Variants in PFKM observed in about 807,000 individuals in gnomAD.
PFKM encodes the protein phosphofructokinase, muscle.
PFKM carries 58 observed loss-of-function variants against 95.5 expected under a neutral mutation model. The observed-to-expected ratio is 0.61, with a 90% CI of 0.49 to 0.76. The LOEUF is 0.76. Ranked by LOEUF, PFKM falls within the 30% of genes least tolerant of loss-of-function variation. PFKM has a pLI of 0.00. For missense variants in PFKM, 678 were observed against 1,005.4 expected, an observed-to-expected ratio of 0.67 and a Z score of 4.40; for synonymous variants, 336 against 357.2, an observed-to-expected ratio of 0.94 and a Z score of 0.67.
chr12:48,131,792 A>G (rs1311245765), intron 4 of PFKM: 5 of 361,904 alleles, frequency 1.4e-5, no homozygotes, highest in East Asian at 7.3e-5. Flanking sequence ...GTGACCTGAA[A>G]CCAGACCACT....
chr12:48,130,472 C>G (rs1949362397), intron 3 of PFKM, 36 bp downstream of exon 3: 1 of 1,466,174 alleles, frequency 6.8e-7, no homozygotes, highest in Non-Finnish European at 9.6e-7. Context: ...CATTCTTTCT[C>G]TGTCTTCTTC....
At chr12:48,138,265 G>A (rs1011089615) in intron 11 of PFKM, among the ~76,000 whole-genome samples, 28 of 152,146 alleles carry the variant, frequency 1.8e-4, no homozygotes, top group Non-Finnish European at 1.3e-4. Context: ...GAACCAACAC[G>A]AGGTTACTAA....
At chr12:48,122,191 C>G (rs1340373706) in intron 1 of PFKM, among the ~76,000 whole-genome samples, 1 of 152,160 alleles carries the variant, frequency 6.6e-6, no homozygotes, top group Non-Finnish European at 1.5e-5. Context: ...ATTAATTTGC[C>G]TAACTCTGAT....
chr12:48,145,453 G>A lies in PFKM; in HGVS notation c.2199-111G>A. ...TATTCTTACCCATTTCAGATGTGATGCACATGTCCTAAATCTAACCTCTTC... is the reference window on the plus strand; with the variant it reads ...TATTCTTACCCATTTCAGATGTGATACACATGTCCTAAATCTAACCTCTTC... On this transcript the variant is annotated intron_variant, in intron 22 of 22. Coordinates refer to ENST00000359794, the MANE Select transcript of PFKM (RefSeq NM_000289.6). The surrounding 1 kb of genome is among the most constrained non-coding windows in gnomAD (Gnocchi z 4.3). 7.4e-7 allele frequency: 1 copy of A among 1,344,212 alleles called. No individual in the cohort carries two copies. The highest frequency in any genetic ancestry group is 1.1e-6 in the Non-Finnish European group (1 of 944,144). 83.3% of individuals were successfully genotyped at this position (1,344,212 alleles called of 1,614,324 possible). A position where few individuals can be genotyped will look rare whatever the true frequency, so the allele number is the denominator to read the frequency against.
chr12:48,122,611 C>A, intron 1 of PFKM, 156 bp from the exon 2 acceptor site: 2 of 1,482,900 alleles, frequency 1.3e-6, no homozygotes, highest in Non-Finnish European at 1.8e-6. Context: ...TGGCTTTCCT[C>A]TGGAAGAAGT....
chr12:48,134,893 C>A, intron 8 of PFKM, 50 bp from the exon 9 acceptor site: 1 of 1,585,636 alleles, frequency 6.3e-7, no homozygotes, highest in Non-Finnish European at 8.7e-7. Context: ...ATCTCTTTCC[C>A]ACCCATCAGC....
At chr12:48,132,323 A>G (rs188161572) in intron 4 of PFKM, 21 of 291,090 alleles carry the variant, frequency 7.2e-5, no homozygotes, top group African/African-American at 4.2e-4. Context: ...TTTCCTGTGA[A>G]TACCTGGATA....
chr12:48,109,257 T>C (rs372656187), intron 3 of PFKM, among the ~76,000 whole-genome samples: 2 of 152,316 alleles, frequency 1.3e-5, no homozygotes, highest in African/African-American at 4.8e-5. Context: ...GCCATAGAGA[T>C]GTAGGGAAGA....
chr12:48,135,071 A>C (rs1303475891), intron 9 of PFKM, 33 bp downstream of exon 9: 1 of 1,492,194 alleles, frequency 6.7e-7, no homozygotes, highest in East Asian at 2.3e-5. Context: ...AGGCCTTAGA[A>C]TCCATAGCCC....
intron 1 of PFKM, among the ~76,000 whole-genome samples, chr12:48,107,018 G>A (rs770241577): frequency 1.2e-4 from 19 of 152,136 alleles, no homozygotes; most frequent in Non-Finnish European, 2.6e-4. Flanking sequence ...AGCTTGGCAG[G>A]CCTCTGGACC....
At position 48,105,981 on chromosome 12, in the gene PFKM, G is replaced by T. The variant is rs1299052490; in HGVS notation, c.-166G>T. 90 of 700,064 alleles carry T rather than the reference G, an allele frequency of 1.3e-4. No individual in the cohort carries two copies. The East Asian group carries it at 2.4e-3, about 19-fold the overall frequency. The allele number at this position is 700,064 out of a possible 1,614,324, so 43.4% of individuals were successfully genotyped here. ...GGGTCCGACACAGTCTCCTGGACCA[G>T]GCTCCCTCCATCCTCACCCCTCCCC... is the stretch of plus-strand genomic sequence containing the variant. On this transcript the variant is annotated 5_prime_UTR_variant, in exon 1 of 25. Coordinates refer to the PFKM transcript ENST00000340802.
At chr12:48,135,447 C>T in intron 10 of PFKM, 64 bp downstream of exon 10, 1 of 1,155,646 alleles carries the variant, frequency 8.7e-7, no homozygotes, top group Admixed American at 1.7e-5. Context: ...CCTGCCCCCT[C>T]AGGGCTGCAC....
At position 48,131,650 on chromosome 12, in the gene PFKM, GA is replaced by G. The variant is rs1387824079; in HGVS notation, c.237+258del. ...GAAAGGTCATAAACAAGACTATGGGGACTGACACATAAGCAGATCTTACTCT... is the reference window on the plus strand; with the variant it reads ...GAAAGGTCATAAACAAGACTATGGGGCTGACACATAAGCAGATCTTACTCT... On this transcript the variant is annotated intron_variant, in intron 4 of 22. Coordinates refer to ENST00000359794, the MANE Select transcript of PFKM (RefSeq NM_000289.6). The G allele has an allele frequency of 2.9e-5, 15 of 516,160 alleles. No individual in the cohort carries two copies. In the Admixed American group the frequency reaches 4.0e-4, roughly 14 times the overall value. The allele number at this position is 516,160 out of a possible 1,614,324, so 32.0% of individuals were successfully genotyped here.
chr12:48,129,340 C>T (rs970575102), intron 2 of PFKM, among the ~76,000 whole-genome samples: 1 of 145,614 alleles, frequency 6.9e-6, no homozygotes, highest in Non-Finnish European at 1.5e-5. Flanking sequence ...AGATTACAGG[C>T]ATGAGCTACC....
intron 10 of PFKM, among the ~76,000 whole-genome samples, chr12:48,136,828 A>G (rs1409600525): frequency 6.6e-6 from 1 of 150,496 alleles, no homozygotes; most frequent in Non-Finnish European, 1.5e-5. Flanking sequence ...GTCTCAGCTC[A>G]CTGCAACCTC....
intron 1 of PFKM, chr12:48,107,223 A>T (rs1592554504): frequency 1.6e-6 from 1 of 614,498 alleles, no homozygotes; most frequent in East Asian, 2.7e-5. Context: ...GATTATTTGT[A>T]TTGCCTCATG....
At chr12:48,139,256 T>A in intron 11 of PFKM, 29 bp from the exon 12 acceptor site, 1 of 1,591,962 alleles carries the variant, frequency 6.3e-7, no homozygotes, top group East Asian at 2.2e-5. Context: ...GACCCTGGAG[T>A]TGAAACTGTC....
At chr12:48,144,183 C>G (rs767817384) in intron 20 of PFKM, 26 bp downstream of exon 20, 1 of 1,448,682 alleles carries the variant, frequency 6.9e-7, no homozygotes, top group Non-Finnish European at 9.7e-7. Flanking sequence ...TAGTCATGCC[C>G]TTCATCAGAC....
intron 17 of PFKM, chr12:48,142,501 C>T (rs1950661639): frequency 6.2e-6 from 3 of 486,410 alleles, no homozygotes; most frequent in Non-Finnish European, 7.4e-6. Context: ...ACCCTGAATA[C>T]CAAATGTTTT....
Sources: gnomAD v4.1 joint callset for allele counts (sites outside exome capture counted in the v4.1 genomes callset) on GRCh38, gnomAD v4.1.1 for gene constraint, Gnocchi (gnomAD v3.1) non-coding constraint, MANE v1.5 for transcripts, NCBI Gene and HGNC (gene_info 2026-07-23, HGNC 2026-07-21) for gene names.